Variants in FBXO4 observed in about 807,000 individuals in gnomAD.
The protein encoded by FBXO4 is F-box protein 4, also known as F-box only protein 4.
A neutral mutation model predicts 43.7 loss-of-function variants in FBXO4; 36 were observed. The observed-to-expected ratio is 0.82, with a 90% CI of 0.63 to 1.09. The LOEUF (loss-of-function observed/expected upper bound fraction) is 1.09, where lower values mean the gene tolerates loss of function less well. Among genes scored for constraint, FBXO4 ranks in the 50% least tolerant of loss-of-function variants. The pLI is 0.00. For synonymous variants in FBXO4, 180 were observed against 165.6 expected (o/e 1.09, Z -0.67); for missense variants, 435 against 474.1 (o/e 0.92, Z 0.77).
the FBXO4 span, among the ~76,000 whole-genome samples, chr5:41,965,947 C>A: frequency 4.6e-5 from 7 of 152,158 alleles, no homozygotes; most frequent in Non-Finnish European, 8.8e-5. Context: ...GGGACATACA[C>A]CATGGAATAC....
chr5:41,997,882 C>T, the FBXO4 span, among the ~76,000 whole-genome samples: 4 of 152,112 alleles, frequency 2.6e-5, no homozygotes, highest in African/African-American at 4.8e-5. Context: ...GGGACCCAGC[C>T]TCCCCTTCAT....
chr5:41,974,163 A>G, the FBXO4 span, among the ~76,000 whole-genome samples: 3 of 151,982 alleles, frequency 2.0e-5, no homozygotes, highest in Non-Finnish European at 4.4e-5. Flanking sequence ...TGCTTTCAGC[A>G]GTTTTAAGAT....
chr5:41,995,915 G>A, the FBXO4 span, among the ~76,000 whole-genome samples: 4 of 152,150 alleles, frequency 2.6e-5, no homozygotes, highest in Non-Finnish European at 5.9e-5. Context: ...CGGCCCACTG[G>A]GAAGATTTCC....
intron 2 of FBXO4, among the ~76,000 whole-genome samples, chr5:41,927,804 C>T (rs916535334): frequency 6.6e-6 from 1 of 152,046 alleles, no homozygotes; most frequent in Admixed American, 6.5e-5. Flanking sequence ...ATCTTTGTAT[C>T]CCAGATGTGG....
the FBXO4 span, among the ~76,000 whole-genome samples, chr5:41,988,183 C>A: frequency 6.6e-6 from 1 of 152,124 alleles, no homozygotes; most frequent in Non-Finnish European, 1.5e-5. Flanking sequence ...GCCAGTATCT[C>A]TGGATTGTGA....
chr5:41,969,154 G>T, the FBXO4 span, among the ~76,000 whole-genome samples: 1 of 152,230 alleles, frequency 6.6e-6, no homozygotes, highest in African/African-American at 2.4e-5. Context: ...CCAAGGGTTG[G>T]TGCCCCTTAG....
chr5:41,989,378 G>C, the FBXO4 span, among the ~76,000 whole-genome samples: 1 of 151,912 alleles, frequency 6.6e-6, no homozygotes, highest in Non-Finnish European at 1.5e-5. Context: ...TCAGAACTTA[G>C]CATAGAACTT....
chr5:42,027,113 G>A, the FBXO4 span, among the ~76,000 whole-genome samples: 1 of 151,812 alleles, frequency 6.6e-6, no homozygotes, highest in Non-Finnish European at 1.5e-5. Flanking sequence ...AACAGATTGA[G>A]TAGGATTGGT....
chr5:42,029,681 T>A, the FBXO4 span, among the ~76,000 whole-genome samples: 1 of 152,054 alleles, frequency 6.6e-6, no homozygotes, highest in Non-Finnish European at 1.5e-5. Context: ...TATTTTCAAA[T>A]ATCCTGACTC....
the FBXO4 span, among the ~76,000 whole-genome samples, chr5:42,007,722 A>C: frequency 1.4e-4 from 22 of 152,146 alleles, no homozygotes; most frequent in Non-Finnish European, 2.2e-4. Flanking sequence ...TTTTTTAAAT[A>C]TATTCAAGCA....
chr5:41,983,992 C>T, the FBXO4 span, among the ~76,000 whole-genome samples: 1 of 151,854 alleles, frequency 6.6e-6, no homozygotes, highest in Non-Finnish European at 1.5e-5. Flanking sequence ...ATCATCATTG[C>T]TAATATAATT....
At chr5:42,009,435 TCTA>T in the FBXO4 span, among the ~76,000 whole-genome samples, 2 of 151,664 alleles carry the variant, frequency 1.3e-5, no homozygotes, top group African/African-American at 4.8e-5. Flanking sequence ...ACTTCAATCT[TCTA>T]AATATTTTCC....
chr5:41,969,724 C>T, the FBXO4 span, among the ~76,000 whole-genome samples: 1 of 152,060 alleles, frequency 6.6e-6, no homozygotes, highest in African/African-American at 2.4e-5. Context: ...CCTGGTGAAG[C>T]ACCTCTTGGA....
chr5:42,012,823 A>C, the FBXO4 span, among the ~76,000 whole-genome samples: 1 of 152,200 alleles, frequency 6.6e-6, no homozygotes, highest in Non-Finnish European at 1.5e-5. Context: ...AACAGGTATG[A>C]TTATTGCTCC....
At chr5:41,957,654 C>T in the FBXO4 span, among the ~76,000 whole-genome samples, 3 of 151,434 alleles carry the variant, frequency 2.0e-5, no homozygotes, top group African/African-American at 4.8e-5. Context: ...ACTTTTTCCA[C>T]GAGATCCTTT....
chr5:42,031,783 T>C, the FBXO4 span, among the ~76,000 whole-genome samples: 1 of 151,990 alleles, frequency 6.6e-6, no homozygotes, highest in African/African-American at 2.4e-5. Context: ...TAGATATTTA[T>C]TGTAGTCTTC....
chr5:41,967,060 A>T, the FBXO4 span: 2 of 262,544 alleles, frequency 7.6e-6, no homozygotes, highest in Non-Finnish European at 1.5e-5. Flanking sequence ...AAAATAAAAA[A>T]AAATCACGTT....
At chr5:42,004,484 G>A in the FBXO4 span, among the ~76,000 whole-genome samples, 1 of 152,016 alleles carries the variant, frequency 6.6e-6, no homozygotes, top group African/African-American at 2.4e-5. Context: ...ATACTCAATC[G>A]ATTAATGAAC....
At chr5:41,973,122 A>C in the FBXO4 span, among the ~76,000 whole-genome samples, 1 of 152,338 alleles carries the variant, frequency 6.6e-6, no homozygotes, top group African/African-American at 2.4e-5. Flanking sequence ...AACTATCAGC[A>C]AAGTAAACAG....
Sources: gnomAD v4.1 joint callset for allele counts (sites outside exome capture counted in the v4.1 genomes callset) on GRCh38, gnomAD v4.1.1 for gene constraint, MANE v1.5 for transcripts, NCBI Gene and HGNC (gene_info 2026-07-23, HGNC 2026-07-21) for gene names.